PAG1: variants seen among roughly 807,000 people sequenced by gnomAD.
The protein encoded by PAG1 is phosphoprotein associated with glycosphingolipid-enriched microdomains 1.
In PAG1, 23 loss-of-function variants were observed where a neutral mutation model predicts 31.7. The ratio of observed to expected loss-of-function variants is 0.73; its 90% CI spans 0.52 to 1.03. The LOEUF is 1.03. Among genes scored for constraint, PAG1 ranks in the 50% least tolerant of loss-of-function variants. The pLI is 0.00. For missense variants in PAG1, 473 were observed against 540.7 expected (o/e 0.87, Z 1.24); for synonymous variants, 214 against 210.3 (o/e 1.02, Z -0.15).
chr8:80,985,813 C>T (rs886172991), intron 6 of PAG1, among the ~76,000 whole-genome samples: 1 of 152,168 alleles, frequency 6.6e-6, no homozygotes, highest in Admixed American at 6.6e-5. Context: ...GGTAGCCACC[C>T]CCTTTCACAC....
intron 2 of PAG1, among the ~76,000 whole-genome samples, chr8:81,068,567 G>A (rs1421804012): frequency 6.6e-6 from 1 of 152,136 alleles, no homozygotes. Flanking sequence ...CAGAAAAAAA[G>A]CTCAGCTTGA....
chr8:81,057,630 C>G (rs888347739), intron 2 of PAG1, among the ~76,000 whole-genome samples: 1 of 151,918 alleles, frequency 6.6e-6, no homozygotes, highest in Admixed American at 6.6e-5. Flanking sequence ...ACGAGTTAAT[C>G]GGTGCAGCAC....
In PAG1 at chr8:81,063,296, G is replaced by A. The variant is rs77337664; in HGVS notation, c.-175+6816C>T. Among the ~76,000 whole-genome samples the A allele has an allele frequency of 3.2e-4, 48 of 152,224 alleles. No homozygotes were observed. The East Asian group carries it at 7.1e-3, about 23-fold the overall frequency. ...GAGGGTTTTTATTCCTAAAGTGGCA[G>A]GCCCACAAAAGAAGTATCTTTTTTC... is the stretch of plus-strand genomic sequence containing the variant. On this transcript the variant is annotated intron_variant, in intron 2 of 8. Coordinates refer to ENST00000220597, the MANE Select transcript of PAG1 (RefSeq NM_018440.4).
chr8:81,090,298 G>A (rs1563426991), intron 1 of PAG1, among the ~76,000 whole-genome samples: 1 of 152,182 alleles, frequency 6.6e-6, no homozygotes, highest in Non-Finnish European at 1.5e-5. Context: ...CTCTTATTCT[G>A]TGCCAGACTC....
intron 3 of PAG1, among the ~76,000 whole-genome samples, chr8:80,994,469 C>T (rs1475522913): frequency 6.6e-6 from 1 of 152,192 alleles, no homozygotes; most frequent in East Asian, 1.9e-4. Flanking sequence ...ATTGCTGTCA[C>T]CACCCTGTGT....
At chr8:81,085,969 C>CTTTT (rs1563425286) in intron 1 of PAG1, among the ~76,000 whole-genome samples, 2 of 79,040 alleles carry the variant, frequency 2.5e-5, no homozygotes, top group East Asian at 4.4e-4. Context: ...TTTAATCTGG[C>CTTTT]TTGTTTTTTT....
At chr8:81,064,981 A>G (rs1808978955) in intron 2 of PAG1, among the ~76,000 whole-genome samples, 1 of 152,196 alleles carries the variant, frequency 6.6e-6, no homozygotes, top group Admixed American at 6.5e-5. Context: ...AGTGGAGAGG[A>G]AACAGCAGAG....
intron 3 of PAG1, among the ~76,000 whole-genome samples, chr8:81,017,614 T>G (rs1411878486): frequency 6.6e-6 from 1 of 152,010 alleles, no homozygotes; most frequent in Non-Finnish European, 1.5e-5. Context: ...GTTTCTTTCT[T>G]TTTGAAAATA....
At chr8:81,041,162 A>T (rs1165145681) in intron 2 of PAG1, among the ~76,000 whole-genome samples, 1 of 152,218 alleles carries the variant, frequency 6.6e-6, no homozygotes, top group African/African-American at 2.4e-5. Context: ...AGGAGCAAGA[A>T]ATATAGGAGC....
intron 1 of PAG1, among the ~76,000 whole-genome samples, chr8:81,086,749 G>A (rs1216040856): frequency 1.3e-5 from 2 of 152,246 alleles, no homozygotes; most frequent in South Asian, 2.1e-4. Context: ...GGCAGCCAGG[G>A]AAATGCAAAT....
chr8:81,049,075 T>C (rs1019155469), intron 2 of PAG1, among the ~76,000 whole-genome samples: 1 of 152,204 alleles, frequency 6.6e-6, no homozygotes, highest in Non-Finnish European at 1.5e-5. Flanking sequence ...ATAAAATTAA[T>C]ATATGCTCTA....
chr8:81,032,175 C>T (rs1292702654), intron 2 of PAG1, among the ~76,000 whole-genome samples: 2 of 151,844 alleles, frequency 1.3e-5, no homozygotes, highest in African/African-American at 4.8e-5. Context: ...GCATGTGACC[C>T]CAAAAGCACA....
At chr8:81,026,518 T>C (rs1471281934) in intron 3 of PAG1, among the ~76,000 whole-genome samples, 1 of 150,806 alleles carries the variant, frequency 6.6e-6, no homozygotes, top group East Asian at 1.9e-4. Context: ...GCCACGATGA[T>C]GACACACATG....
At chr8:81,020,489 A>C (rs1158699156) in intron 3 of PAG1, among the ~76,000 whole-genome samples, 3 of 152,004 alleles carry the variant, frequency 2.0e-5, no homozygotes, top group Admixed American at 6.6e-5. Flanking sequence ...GTGAGATCTG[A>C]TGGTTTTATA....
At chr8:80,987,534 G>A (rs896604605) in intron 5 of PAG1, 68 bp from the exon 6 acceptor site, 30 of 1,095,610 alleles carry the variant, frequency 2.7e-5, no homozygotes, top group Middle Eastern at 2.0e-4. Flanking sequence ...CAGAGCAGAG[G>A]AGAAGATCCA....
intron 1 of PAG1, among the ~76,000 whole-genome samples, chr8:81,070,972 C>T (rs551877540): frequency 8.5e-5 from 13 of 152,274 alleles, no homozygotes; most frequent in Admixed American, 7.2e-4. Context: ...TGAATTTTCT[C>T]AGGAGAAATA....
chr8:81,082,111 G>C (rs1809276736), intron 1 of PAG1, among the ~76,000 whole-genome samples: 1 of 151,858 alleles, frequency 6.6e-6, no homozygotes, highest in African/African-American at 2.4e-5. Flanking sequence ...AAATCAGCCA[G>C]GCATGGTGGC....
intron 1 of PAG1, among the ~76,000 whole-genome samples, chr8:81,108,224 G>A (rs1054019556): frequency 3.9e-5 from 6 of 152,170 alleles, no homozygotes; most frequent in African/African-American, 1.4e-4. Flanking sequence ...ACCCAGAGCA[G>A]GGGAACACTT....
chr8:81,034,647 T>A (rs1808433202), intron 2 of PAG1, among the ~76,000 whole-genome samples: 1 of 152,220 alleles, frequency 6.6e-6, no homozygotes, highest in African/African-American at 2.4e-5. Flanking sequence ...AAGGTTCTTC[T>A]GTGCTCCAGA....
Sources: allele counts gnomAD v4.1 joint callset (sites outside exome capture counted in the v4.1 genomes callset), GRCh38; gene constraint gnomAD v4.1.1; transcripts MANE v1.5; gene names NCBI Gene and HGNC (gene_info 2026-07-23, HGNC 2026-07-21).